The following KAZN variants were observed in gnomAD, a reference collection of about 807,000 sequenced individuals.
KAZN encodes the protein kazrin.
In KAZN, 40 loss-of-function variants were observed where a neutral mutation model predicts 87.4. The ratio of observed to expected loss-of-function variants is 0.46; its 90% CI spans 0.36 to 0.60. The LOEUF is 0.60. Ranked by LOEUF, KAZN falls within the 20% of genes least tolerant of loss-of-function variation. The probability of loss-of-function intolerance (pLI) is 0.00; values close to 1 mark genes in which losing one functional copy is unlikely to be tolerated. For synonymous variants in KAZN, 466 were observed against 458.3 expected, an observed-to-expected ratio of 1.02 and a Z score of -0.22; for missense variants, 898 against 1,073.9, an observed-to-expected ratio of 0.84 and a Z score of 2.29.
Position 14,741,679 on chromosome 1 carries a change from G to T in KAZN, c.226+142456G>T, listed in dbSNP as rs527665550. Reference sequence around the variant, plus strand: ...AGGGAGAAGGGGCACTTCCCCCCGGGGTTTCAAGACCTGCTGAGCTTCATA... The same window carrying T: ...AGGGAGAAGGGGCACTTCCCCCCGGTGTTTCAAGACCTGCTGAGCTTCATA... On this transcript the variant is annotated intron_variant, in intron 1 of 14. Transcript: ENST00000376030. Among the ~76,000 whole-genome samples, 3 of 152,260 alleles carry T rather than the reference G, an allele frequency of 2.0e-5. No homozygotes were observed. The South Asian group carries it at 6.2e-4, about 32-fold the overall frequency.
At chr1:13,945,679 T>TTGTGTGTGTGTGTGTG (rs60728794) in intron 1 of KAZN, among the ~76,000 whole-genome samples, 66 of 123,400 alleles carry the variant, frequency 5.3e-4, no homozygotes, top group Admixed American at 1.4e-3. Flanking sequence ...TGCTCTCAGT[T>TTGTGTGTGTGTGTGTG]TGTGTGTGTG....
intron 1 of KAZN, among the ~76,000 whole-genome samples, chr1:14,807,410 GTCTGTTC>G (rs549409548): frequency 3.9e-5 from 6 of 152,286 alleles, no homozygotes; most frequent in African/African-American, 1.2e-4. Flanking sequence ...AGCCAGAAGA[GTCTGTTC>G]TCTTAACTGA....
chr1:14,877,565 C>T (rs893777111), intron 1 of KAZN, among the ~76,000 whole-genome samples: 2 of 152,176 alleles, frequency 1.3e-5, no homozygotes, highest in African/African-American at 2.4e-5. Context: ...CACCACAAGT[C>T]CTTGGTCACG....
intron 2 of KAZN, among the ~76,000 whole-genome samples, chr1:14,185,343 G>T (rs1041524206): frequency 2.0e-5 from 3 of 152,154 alleles, no homozygotes; most frequent in Non-Finnish European, 4.4e-5. Flanking sequence ...CATCCCACCA[G>T]CTTTCCACCT....
At chr1:14,251,313 CT>C in intron 2 of KAZN, among the ~76,000 whole-genome samples, 1 of 152,310 alleles carries the variant, frequency 6.6e-6, no homozygotes, top group East Asian at 1.9e-4. Context: ...GTCACTCAGT[CT>C]TAGAAAGCTC....
chr1:14,945,869 CTT>C, intron 1 of KAZN: 1 of 985,398 alleles, frequency 1.0e-6, no homozygotes, highest in Non-Finnish European at 1.2e-6. Context: ...GAGCCCAAGA[CTT>C]GCTCTCCTTT....
chr1:14,544,580 G>A (rs74057816), intron 2 of KAZN, among the ~76,000 whole-genome samples: 1,895 of 151,776 alleles, frequency 0.012, 42 homozygotes, highest in African/African-American at 0.043. Flanking sequence ...GTTAAAGGAG[G>A]CCCTATTTTA....
intron 2 of KAZN, among the ~76,000 whole-genome samples, chr1:15,000,298 G>A (rs1341881782): frequency 6.6e-6 from 1 of 151,840 alleles, no homozygotes; most frequent in African/African-American, 2.4e-5. Flanking sequence ...AGCCTCCGGT[G>A]GGAGCCTGGC....
At chr1:14,882,346 G>A (rs933619597) in intron 1 of KAZN, among the ~76,000 whole-genome samples, 4 of 152,188 alleles carry the variant, frequency 2.6e-5, no homozygotes, top group African/African-American at 4.8e-5. Context: ...TGACTCAGCG[G>A]CAGTAACATT....
chr1:14,647,749 A>G (rs556587444), intron 1 of KAZN, among the ~76,000 whole-genome samples: 162 of 152,314 alleles, frequency 1.1e-3, no homozygotes, highest in Middle Eastern at 6.8e-3. Flanking sequence ...AAATGCTGCA[A>G]TAAATTCAGA....
At chr1:14,821,629 G>A (rs1316043248) in intron 1 of KAZN, among the ~76,000 whole-genome samples, 2 of 152,066 alleles carry the variant, frequency 1.3e-5, no homozygotes, top group East Asian at 3.8e-4. Context: ...ACACCCAGAG[G>A]GACAACCAGA....
intron 1 of KAZN, among the ~76,000 whole-genome samples, chr1:14,145,508 TTTTCCCATAAAAAA>T (rs1313199175): frequency 6.6e-6 from 1 of 152,110 alleles, no homozygotes; most frequent in Non-Finnish European, 1.5e-5. Flanking sequence ...TTATTTTTAC[TTTTCCCATAAAAAA>T]TATTTGTCTA....
intron 1 of KAZN, among the ~76,000 whole-genome samples, chr1:14,630,902 G>C (rs1000835131): frequency 1.5e-4 from 23 of 152,190 alleles, no homozygotes; most frequent in African/African-American, 4.3e-4. Context: ...TGCAAAGATT[G>C]CTATAGGATA....
rs75449174 is a variant in KAZN, at chr1:14,642,050, A to T, written c.226+42827A>T. On this transcript the variant is annotated intron_variant, in intron 1 of 14. Coordinates refer to ENST00000376030, the MANE Select transcript of KAZN (RefSeq NM_201628.3). ...CTTTGCAGAAGAGGATATATGGATG[A>T]CAAAGAAGCTCGAAAAGATGCCCAA... 7.5e-3 allele frequency among the ~76,000 whole-genome samples: 1,150 copies of T among 152,348 alleles called. 10 individuals carry two copies. Among genetic ancestry groups the T allele is most frequent in the African/African-American group, 0.027 (1,103 of 41,588 alleles).
chr1:14,571,093 C>T (rs767335317), intron 2 of KAZN, among the ~76,000 whole-genome samples: 1 of 152,194 alleles, frequency 6.6e-6, no homozygotes, highest in Non-Finnish European at 1.5e-5. Context: ...CTCTGCCGCC[C>T]ATGCCCTATG....
At chr1:14,336,938 T>C (rs1211579464) in intron 2 of KAZN, among the ~76,000 whole-genome samples, 1 of 152,260 alleles carries the variant, frequency 6.6e-6, no homozygotes, top group African/African-American at 2.4e-5. Context: ...ACAAAGTTTT[T>C]AATTTTTATG....
chr1:15,094,157 T>G lies in KAZN; in HGVS notation c.1223-23T>G, dbSNP rs778638636. The G allele has an allele frequency of 2.5e-6, 4 of 1,606,936 alleles. No individual in the cohort carries two copies. Among genetic ancestry groups the G allele is most frequent in the Non-Finnish European group, 2.6e-6 (3 of 1,176,278 alleles). On this transcript the variant is annotated intron_variant, in intron 8 of 14. Coordinates refer to ENST00000376030, the MANE Select transcript of KAZN (RefSeq NM_201628.3). This position sits in a 1 kb window ranked among gnomAD's most constrained non-coding sequence, Gnocchi z 4.5. ...CCCCCAGCAGCCTCGTCCCCCAGCA[T>G]GGCCTGCACTTGTGTGTTGCAGACT... is the stretch of plus-strand genomic sequence containing the variant.
At chr1:14,917,688 C>T (rs1243847664) in intron 1 of KAZN, among the ~76,000 whole-genome samples, 1 of 152,154 alleles carries the variant, frequency 6.6e-6, no homozygotes, top group Non-Finnish European at 1.5e-5. Flanking sequence ...CAATCACACG[C>T]TAGTGATTTG....
chr1:14,171,052 T>A (rs1008733233), intron 1 of KAZN, among the ~76,000 whole-genome samples: 18 of 152,228 alleles, frequency 1.2e-4, no homozygotes, highest in Admixed American at 6.5e-5. Context: ...AGGTGTGGTC[T>A]TTTGTGTCCG....
Sources: gnomAD v4.1 joint callset for allele counts (sites outside exome capture counted in the v4.1 genomes callset) on GRCh38, gnomAD v4.1.1 for gene constraint, Gnocchi (gnomAD v3.1) non-coding constraint, MANE v1.5 for transcripts, NCBI Gene and HGNC (gene_info 2026-07-23, HGNC 2026-07-21) for gene names.